The following LHFPL4 variants were observed in gnomAD, a reference collection of about 807,000 sequenced individuals.
LHFPL4 encodes the protein LHFPL tetraspan subfamily member 4 protein.
A neutral mutation model predicts 20.0 loss-of-function variants in LHFPL4; 6 were observed. That is an observed-to-expected ratio of 0.30 (90% CI 0.16 to 0.59). LHFPL4 has a LOEUF of 0.59. LHFPL4 is among the 20% of genes least tolerant of loss of function. LHFPL4 has a pLI of 0.88. For missense variants in LHFPL4, 215 were observed against 331.2 expected (o/e 0.65, Z 2.72); for synonymous variants, 129 against 143.8 (o/e 0.90, Z 0.74).
chr3:9,507,650 G>T, intron 2 of LHFPL4, among the ~76,000 whole-genome samples: 1 of 152,192 alleles, frequency 6.6e-6, no homozygotes, highest in East Asian at 1.9e-4. Flanking sequence ...CCTTGGCAAT[G>T]GTTCCCTAGC....
chr3:9,547,828 CAG>C (rs772943446), intron 2 of LHFPL4, among the ~76,000 whole-genome samples: 7 of 121,148 alleles, frequency 5.8e-5, no homozygotes, highest in Non-Finnish European at 1.1e-4. Flanking sequence ...TTTATTGAGA[CAG>C]GGTCTCACTC....
intron 2 of LHFPL4, among the ~76,000 whole-genome samples, chr3:9,548,369 AC>A (rs1320938620): frequency 6.6e-6 from 1 of 152,158 alleles, no homozygotes; most frequent in Non-Finnish European, 1.5e-5. Context: ...AAATTCTTTG[AC>A]CCAGCATACT....
chr3:9,518,705 T>A (rs1413112721), intron 2 of LHFPL4, among the ~76,000 whole-genome samples: 1 of 152,070 alleles, frequency 6.6e-6, no homozygotes, highest in Non-Finnish European at 1.5e-5. Flanking sequence ...TAAAAAAGCA[T>A]TTCTTTATTA....
intron 2 of LHFPL4, among the ~76,000 whole-genome samples, chr3:9,529,293 C>T (rs1487298053): frequency 1.3e-5 from 2 of 152,136 alleles, no homozygotes; most frequent in African/African-American, 4.8e-5. Flanking sequence ...TCCCAAAGTG[C>T]TGGGATTACA....
At chr3:9,505,231 G>A (rs768665810) in intron 3 of LHFPL4, among the ~76,000 whole-genome samples, 18 of 151,872 alleles carry the variant, frequency 1.2e-4, no homozygotes, top group Non-Finnish European at 2.4e-4. Flanking sequence ...TTAAAAGGTG[G>A]TTGTACTGTC....
rs2046180499 is a variant in LHFPL4 at position 9,502,054 on chromosome 3, A to C, written c.*157T>G. On this transcript the variant is annotated 3_prime_UTR_variant, in exon 4 of 4. Transcript: ENST00000287585. ...CTCTCCTCTCCCCCAGGCCACATCC[A>C]GGCTTTCCTCTCCTCAAAGCCTGGA... The C allele has an allele frequency of 1.6e-6, 1 of 642,368 alleles. No individual in the cohort carries two copies. The highest frequency in any genetic ancestry group is 1.9e-5 in the South Asian group (1 of 53,282). The allele number at this position is 642,368 out of a possible 1,614,324, so 39.8% of individuals were successfully genotyped here. A position where few individuals can be genotyped will look rare whatever the true frequency, so the allele number is the denominator to read the frequency against.
intron 2 of LHFPL4, among the ~76,000 whole-genome samples, chr3:9,541,464 C>G (rs942035170): frequency 6.6e-6 from 1 of 152,092 alleles, no homozygotes; most frequent in African/African-American, 2.4e-5. Context: ...ACACCGTATA[C>G]AAATATTAAC....
chr3:9,515,848 G>C (rs1225892373), intron 2 of LHFPL4, among the ~76,000 whole-genome samples: 3 of 151,636 alleles, frequency 2.0e-5, no homozygotes, highest in African/African-American at 7.3e-5. Flanking sequence ...CCATGTAGCT[G>C]GGACTACAGG....
chr3:9,526,392 T>C (rs757816864), intron 2 of LHFPL4, among the ~76,000 whole-genome samples: 1 of 152,200 alleles, frequency 6.6e-6, no homozygotes, highest in Non-Finnish European at 1.5e-5. Flanking sequence ...TTTTATGTCA[T>C]GTGTATTTTA....
intron 2 of LHFPL4, among the ~76,000 whole-genome samples, chr3:9,541,602 T>A (rs1407894976): frequency 6.6e-6 from 1 of 151,834 alleles, no homozygotes; most frequent in East Asian, 2.0e-4. Context: ...TGAAAACCTG[T>A]CTCTACTAAT....
At chr3:9,521,819 C>CT (rs1313121117) in intron 2 of LHFPL4, among the ~76,000 whole-genome samples, 1 of 151,918 alleles carries the variant, frequency 6.6e-6, no homozygotes, top group Non-Finnish European at 1.5e-5. Flanking sequence ...ATAACTGAGT[C>CT]TTTTTTTAAA....
At position 9,502,303 on chromosome 3, in the gene LHFPL4, C is replaced by A. The variant is rs747921102; in HGVS notation, c.652G>T (p.Gly218Cys). 1.9e-6 allele frequency: 3 copies of A among 1,606,010 alleles called. No individual in the cohort carries two copies. Among genetic ancestry groups the A allele is most frequent in the Admixed American group, 1.7e-5 (1 of 59,876 alleles). Residue 218 changes from glycine (G) to cysteine (C), a missense_variant, in exon 4 of 4, where the codon GGC becomes TGC. Physicochemically the swap from Gly to Cys is radical, Grantham distance 159. Transcript: ENST00000287585. ...ELKPENKDFVGSTVSSVLRPG... is the reference protein window; with the variant it reads ...ELKPENKDFVCSTVSSVLRPG... ...CGCAACACGGAGCTTACTGTAGAGCCCACAAAATCTAAGAGAGAGAGAGAG... is the reference window on the plus strand; with the variant it reads ...CGCAACACGGAGCTTACTGTAGAGCACACAAAATCTAAGAGAGAGAGAGAG...
chr3:9,548,952 T>C (rs1028667664), intron 2 of LHFPL4, among the ~76,000 whole-genome samples: 2 of 152,126 alleles, frequency 1.3e-5, no homozygotes, highest in Non-Finnish European at 2.9e-5. Flanking sequence ...AAGACAGAAG[T>C]GGATTTAAAA....
intron 2 of LHFPL4, among the ~76,000 whole-genome samples, chr3:9,527,013 GAGA>G (rs778950713): frequency 3.1e-4 from 47 of 151,806 alleles, no homozygotes; most frequent in South Asian, 1.9e-3. Context: ...AAGGAAGGAA[GAGA>G]AGGAGGGAGG....
rs1339521571 is a variant in LHFPL4, at chr3:9,507,837, C to G, written c.407-1634G>C. Among the ~76,000 whole-genome samples, 3 of 152,248 alleles carry G rather than the reference C, an allele frequency of 2.0e-5. No homozygotes were observed. In the East Asian group the frequency reaches 5.8e-4, roughly 29 times the overall value. Reference sequence around the variant, plus strand: ...GGCACCTCCTGCGTCACAGGGCAGTCAGAACCCCCAGATTCAGCAGGCCAC... The same window carrying G: ...GGCACCTCCTGCGTCACAGGGCAGTGAGAACCCCCAGATTCAGCAGGCCAC... On this transcript the variant is annotated intron_variant, in intron 2 of 3. Transcript: ENST00000287585.
At chr3:9,531,161 G>A (rs2046406504) in intron 2 of LHFPL4, among the ~76,000 whole-genome samples, 7 of 152,124 alleles carry the variant, frequency 4.6e-5, no homozygotes, top group Admixed American at 4.6e-4. Flanking sequence ...TAACATCAAA[G>A]ATCACTGATC....
At position 9,506,292 on chromosome 3, in the gene LHFPL4, C is replaced by A; in HGVS notation, c.407-89G>T. 2 of 1,055,974 alleles carry A rather than the reference C, an allele frequency of 1.9e-6. No homozygotes were observed. The highest frequency in any genetic ancestry group is 1.4e-5 in the South Asian group (1 of 73,598). 65.4% of individuals were successfully genotyped at this position (1,055,974 alleles called of 1,614,324 possible). A position where few individuals can be genotyped will look rare whatever the true frequency, so the allele number is the denominator to read the frequency against. On this transcript the variant is annotated intron_variant, in intron 2 of 3. Coordinates refer to ENST00000287585, the MANE Select transcript of LHFPL4 (RefSeq NM_198560.3). This position sits in a 1 kb window ranked among gnomAD's most constrained non-coding sequence, Gnocchi z 4.5. Reference sequence around the variant, plus strand: ...CTAGTGTCCGCAGTCTGGGCCCCACCCTATTGAGGGCACATCAACCCAACC... The same window carrying A: ...CTAGTGTCCGCAGTCTGGGCCCCACACTATTGAGGGCACATCAACCCAACC...
intron 2 of LHFPL4, among the ~76,000 whole-genome samples, chr3:9,540,543 A>G (rs933086202): frequency 2.0e-5 from 3 of 152,088 alleles, no homozygotes; most frequent in Non-Finnish European, 4.4e-5. Context: ...AAAATGAAGA[A>G]CAAAGTTGGA....
At chr3:9,522,951 G>T (rs1283191879) in intron 2 of LHFPL4, among the ~76,000 whole-genome samples, 1 of 148,668 alleles carries the variant, frequency 6.7e-6, no homozygotes, top group Non-Finnish European at 1.5e-5. Context: ...TGAGGCAGGA[G>T]AATGGTGTGA....
Sources: gnomAD v4.1 joint callset for allele counts (sites outside exome capture counted in the v4.1 genomes callset) on GRCh38, gnomAD v4.1.1 for gene constraint, Gnocchi (gnomAD v3.1) non-coding constraint, MANE v1.5 for transcripts, NCBI Gene and HGNC (gene_info 2026-07-23, HGNC 2026-07-21) for gene names.